OPN3: variants seen among roughly 807,000 people sequenced by gnomAD.
OPN3 encodes the protein opsin 3.
In OPN3, 29 loss-of-function variants were observed where a neutral mutation model predicts 33.8. The observed-to-expected ratio is 0.86, with a 90% confidence interval of 0.64 to 1.17. The LOEUF is 1.17. Among genes scored for constraint, OPN3 ranks in the 50% most tolerant of loss-of-function variants. OPN3 has a pLI of 0.00. For missense variants in OPN3, 437 were observed against 514.1 expected (o/e 0.85, Z 1.45); for synonymous variants, 216 against 216.1 (o/e 1.00, Z 0.00).
chr1:241,613,343 G>T (rs1218756679), intron 1 of OPN3, among the ~76,000 whole-genome samples: 1 of 152,080 alleles, frequency 6.6e-6, no homozygotes, highest in Non-Finnish European at 1.5e-5. Flanking sequence ...GGCAATAATG[G>T]TTTAGTCATT....
chr1:241,618,157 A>G (rs768614264), intron 1 of OPN3, among the ~76,000 whole-genome samples: 1 of 152,214 alleles, frequency 6.6e-6, no homozygotes, highest in Non-Finnish European at 1.5e-5. Flanking sequence ...TCTCTTCCAC[A>G]CTGTCAAATT....
chr1:241,600,068 C>T (rs909164411), intron 2 of OPN3, among the ~76,000 whole-genome samples: 2 of 152,130 alleles, frequency 1.3e-5, no homozygotes, highest in Non-Finnish European at 2.9e-5. Context: ...TTATCTGTAC[C>T]ATTTTCTGGG....
At position 241,626,699 on chromosome 1, in the gene OPN3, A is replaced by G. The variant is rs568280976; in HGVS notation, c.373+13183T>C. ...TTAACTGTAAACTTAACTTACAAATATAGTAAAATTAACTTATAGTAATGA... is the reference window on the plus strand; with the variant it reads ...TTAACTGTAAACTTAACTTACAAATGTAGTAAAATTAACTTATAGTAATGA... On this transcript the variant is annotated intron_variant, in intron 1 of 3. Coordinates refer to ENST00000366554, the MANE Select transcript of OPN3 (RefSeq NM_014322.3). Among the ~76,000 whole-genome samples the G allele has an allele frequency of 2.8e-4, 42 of 152,338 alleles. 1 individual carries two copies. In the South Asian group the frequency reaches 8.7e-3, roughly 32 times the overall value.
rs1665078447 is a variant in OPN3, at chr1:241,640,316, G to C, written c.-62C>G. 2 of 1,096,754 alleles carry C rather than the reference G, an allele frequency of 1.8e-6. No homozygotes were observed. The highest frequency in any genetic ancestry group is 2.2e-6 in the Non-Finnish European group (2 of 905,374). The allele number at this position is 1,096,754 out of a possible 1,614,324, so 67.9% of individuals were successfully genotyped here. A position where few individuals can be genotyped will look rare whatever the true frequency, so the allele number is the denominator to read the frequency against. On this transcript the variant is annotated 5_prime_UTR_variant, in exon 1 of 4. Transcript: ENST00000366554. The stretch of plus-strand genomic sequence containing the variant: ...CAGCTTGCGGCGGGGCTCGCGGCGC[G>C]CTCCGCACTGGGTGGGGTTGGGGCT...
rs1404512904 is a variant in OPN3 at position 241,593,601 on chromosome 1, A to AT, written c.*826dup. The AT allele has an allele frequency of 4.4e-6, 1 of 225,136 alleles. No homozygotes were observed. Among genetic ancestry groups the AT allele is most frequent in the East Asian group, 8.5e-5 (1 of 11,760 alleles). The allele number at this position is 225,136 out of a possible 1,614,324, so 13.9% of individuals were successfully genotyped here. On this transcript the variant is annotated 3_prime_UTR_variant, in exon 4 of 4. Transcript: ENST00000366554. ...CTGGGGCCCCTATAACAAAAGACAG[A>AT]TTGACAAGAGAAAAACAAACATAAA...
In OPN3 at chr1:241,594,369, T is replaced by C; in HGVS notation, c.*59A>G. 1 of 1,557,886 alleles carries C rather than the reference T, an allele frequency of 6.4e-7. No homozygotes were observed. Among genetic ancestry groups the C allele is most frequent in the East Asian group, 2.2e-5 (1 of 44,516 alleles). ...CGGGTATTCCAGACACTTCTTATGATGAAAGTCCAAAAGTGGCATCCAATT... is the reference window on the plus strand; with the variant it reads ...CGGGTATTCCAGACACTTCTTATGACGAAAGTCCAAAAGTGGCATCCAATT... On this transcript the variant is annotated 3_prime_UTR_variant, in exon 4 of 4. Transcript: ENST00000366554.
chr1:241,608,618 A>G (rs1663901557), intron 1 of OPN3, among the ~76,000 whole-genome samples: 1 of 152,230 alleles, frequency 6.6e-6, no homozygotes, highest in Non-Finnish European at 1.5e-5. Flanking sequence ...TGAAGTATGA[A>G]AAATCCCAGC....
At chr1:241,639,796 G>C in intron 1 of OPN3, 86 bp downstream of exon 1, 1 of 1,277,656 alleles carries the variant, frequency 7.8e-7, no homozygotes, top group Admixed American at 3.4e-5. Flanking sequence ...TGCGGGGCGG[G>C]CTGGGGGGCG....
intron 1 of OPN3, chr1:241,615,758 A>G (rs1418048822): frequency 1.4e-5 from 6 of 441,562 alleles, no homozygotes; most frequent in Admixed American, 2.4e-5. Flanking sequence ...CCTACTCCCA[A>G]CTGTGTGCCC....
intron 1 of OPN3, among the ~76,000 whole-genome samples, chr1:241,612,791 C>T (rs1281218733): frequency 6.6e-6 from 1 of 152,212 alleles, no homozygotes; most frequent in Non-Finnish European, 1.5e-5. Context: ...GAAGCTGACT[C>T]ACCAAAGAAT....
chr1:241,634,523 G>C lies in OPN3; in HGVS notation c.373+5359C>G, dbSNP rs376791831. On this transcript the variant is annotated intron_variant, in intron 1 of 3. Transcript: ENST00000366554. ...ATCTATAATTGCTTTACATCGTCCA[G>C]ATTCTTTGTCGACTACAAAGCATTG... is the stretch of plus-strand genomic sequence containing the variant. 1.4e-5 allele frequency: 22 copies of C among 1,613,780 alleles called. No homozygotes were observed. Among genetic ancestry groups the C allele is most frequent in the African/African-American group, 4.0e-5 (3 of 74,910 alleles).
intron 1 of OPN3, chr1:241,634,809 A>G: frequency 6.2e-7 from 1 of 1,613,762 alleles, no homozygotes; most frequent in Non-Finnish European, 8.5e-7. Flanking sequence ...GAAAATGAAC[A>G]CTGCCTGAAA....
chr1:241,613,271 C>G (rs1664043008), intron 1 of OPN3, among the ~76,000 whole-genome samples: 1 of 152,132 alleles, frequency 6.6e-6, no homozygotes, highest in Admixed American at 6.5e-5. Context: ...ATCTTCATAA[C>G]AACTCTGTGA....
intron 1 of OPN3, among the ~76,000 whole-genome samples, chr1:241,613,813 C>G (rs2148008627): frequency 6.6e-6 from 1 of 152,258 alleles, no homozygotes; most frequent in South Asian, 2.1e-4. Context: ...TGCACAATGA[C>G]TCAGTTTCAA....
intron 2 of OPN3, among the ~76,000 whole-genome samples, chr1:241,603,878 C>T (rs1376573151): frequency 6.6e-6 from 1 of 152,348 alleles, no homozygotes; most frequent in East Asian, 1.9e-4. Flanking sequence ...CCAAACAAAA[C>T]ATCTGTGCTG....
At chr1:241,638,280 A>T (rs1206274178) in intron 1 of OPN3, among the ~76,000 whole-genome samples, 1 of 152,170 alleles carries the variant, frequency 6.6e-6, no homozygotes, top group Non-Finnish European at 1.5e-5. Context: ...AAAAACAGGA[A>T]GGGAGAAGTG....
chr1:241,623,875 T>G (rs1331860765), intron 1 of OPN3, among the ~76,000 whole-genome samples: 1 of 152,188 alleles, frequency 6.6e-6, no homozygotes, highest in Non-Finnish European at 1.5e-5. Context: ...GAAACATAAG[T>G]CTTATCAAGA....
chr1:241,634,516 TC>T (rs1265054209), intron 1 of OPN3: 1 of 1,613,848 alleles, frequency 6.2e-7, no homozygotes, highest in Non-Finnish European at 8.5e-7. Context: ...TTGCTTTACA[TC>T]GTCCAGATTC....
In OPN3 at chr1:241,594,718, T is replaced by C. The variant is rs772666066; in HGVS notation, c.946-27A>G. The C allele has an allele frequency of 3.7e-6, 6 of 1,601,774 alleles. No individual in the cohort carries two copies. In the South Asian group the frequency reaches 6.7e-5, roughly 18 times the overall value. ...TGGGCAGAGAAAAAATAAAGTGGAA[T>C]ATTAAGTAAAAGTTGGGCACTAATC... On this transcript the variant is annotated intron_variant, in intron 3 of 3. Coordinates refer to ENST00000366554, the MANE Select transcript of OPN3 (RefSeq NM_014322.3).
Sources: gnomAD v4.1 joint callset for allele counts (sites outside exome capture counted in the v4.1 genomes callset) on GRCh38, gnomAD v4.1.1 for gene constraint, MANE v1.5 for transcripts, NCBI Gene and HGNC (gene_info 2026-07-23, HGNC 2026-07-21) for gene names.